Variants in ENOX2 observed in about 807,000 individuals in gnomAD.
ENOX2 encodes ecto-NOX disulfide-thiol exchanger 2, also known as APK1 antigen.
ENOX2 carries 36 observed loss-of-function variants against 45.0 expected under a neutral mutation model. The observed-to-expected ratio is 0.80, with a 90% confidence interval of 0.61 to 1.06. The LOEUF (loss-of-function observed/expected upper bound fraction) is 1.06, where lower values mean the gene tolerates loss of function less well. Ranked by LOEUF, ENOX2 falls within the 50% of genes least tolerant of loss-of-function variation. The pLI is 0.00. For missense variants in ENOX2, 423 were observed against 462.5 expected, an observed-to-expected ratio of 0.91 and a Z score of 0.78; for synonymous variants, 174 against 152.3, an observed-to-expected ratio of 1.14 and a Z score of -1.05.
chrX:130,765,974 T>C (rs1343767196), intron 3 of ENOX2, among the ~76,000 whole-genome samples: 8 of 111,380 alleles, frequency 7.2e-5, no homozygotes, highest in Non-Finnish European at 1.5e-4. Context: ...TGAGTGTCTA[T>C]CTATATTCTC....
At chrX:130,632,017 C>G (rs1001973674) in intron 12 of ENOX2, among the ~76,000 whole-genome samples, 2 of 110,623 alleles carry the variant, frequency 1.8e-5, no homozygotes, top group Non-Finnish European at 3.8e-5. Context: ...GTTAAAAGGA[C>G]CATTGTTTTT....
chrX:130,643,229 A>T (rs1013314083), intron 10 of ENOX2, among the ~76,000 whole-genome samples: 1 of 111,593 alleles, frequency 9.0e-6, no homozygotes, highest in Non-Finnish European at 1.9e-5. Context: ...GAATAATATA[A>T]TATGTTCAAT....
intron 2 of ENOX2, among the ~76,000 whole-genome samples, chrX:130,818,362 C>T (rs750731802): frequency 8.9e-6 from 1 of 111,802 alleles, no homozygotes; most frequent in Non-Finnish European, 1.9e-5. Flanking sequence ...CCCCATCAAG[C>T]TACCATTGAC....
chrX:130,830,398 C>G (rs190378496), intron 2 of ENOX2, among the ~76,000 whole-genome samples: 1 of 111,679 alleles, frequency 9.0e-6, no homozygotes, highest in Non-Finnish European at 1.9e-5. Context: ...CCCCACTCCA[C>G]TCCACTTCCT....
chrX:130,776,254 T>C (rs1165127792), intron 3 of ENOX2, among the ~76,000 whole-genome samples: 1 of 111,733 alleles, frequency 8.9e-6, no homozygotes, highest in Non-Finnish European at 1.9e-5. Context: ...AATCACGAAA[T>C]TGAAAGAGAT....
At chrX:130,852,796 T>A (rs944317760) in intron 2 of ENOX2, among the ~76,000 whole-genome samples, 3 of 111,260 alleles carry the variant, frequency 2.7e-5, no homozygotes, top group Non-Finnish European at 5.7e-5. Flanking sequence ...AGAAGGGACA[T>A]AATTGAAATA....
intron 2 of ENOX2, among the ~76,000 whole-genome samples, chrX:130,825,110 G>C: frequency 9.0e-6 from 1 of 111,144 alleles, no homozygotes; most frequent in Non-Finnish European, 1.9e-5. Context: ...AGCAATCTGA[G>C]ACATCCATCA....
chrX:130,646,071 G>A (rs1218751376), intron 10 of ENOX2: 5 of 550,966 alleles, frequency 9.1e-6, no homozygotes, highest in South Asian at 4.6e-5. Context: ...GTACTGCTGC[G>A]ATGGCTGCTG....
intron 10 of ENOX2, among the ~76,000 whole-genome samples, chrX:130,638,231 C>A (rs2035986007): frequency 9.1e-6 from 1 of 109,392 alleles, no homozygotes; most frequent in African/African-American, 3.3e-5. Flanking sequence ...CCATGCCCGG[C>A]TAATTTTTGT....
intron 2 of ENOX2, among the ~76,000 whole-genome samples, chrX:130,821,254 C>T (rs766368852): frequency 1.5e-3 from 154 of 105,562 alleles, no homozygotes; most frequent in African/African-American, 5.1e-3. Context: ...ATGTTTACTG[C>T]GGCATTATTC....
At chrX:130,649,456 G>C (rs932709615) in intron 10 of ENOX2, among the ~76,000 whole-genome samples, 1 of 111,366 alleles carries the variant, frequency 9.0e-6, no homozygotes, top group Non-Finnish European at 1.9e-5. Context: ...GATGTAGGCT[G>C]CTGTGGTCAG....
chrX:130,737,098 G>A (rs763317543), intron 3 of ENOX2, among the ~76,000 whole-genome samples: 3 of 112,251 alleles, frequency 2.7e-5, no homozygotes, highest in South Asian at 3.7e-4. Context: ...CTGAAGAAGC[G>A]AATTATTATA....
intron 6 of ENOX2, 106 bp from the exon 7 acceptor site, chrX:130,670,304 C>T: frequency 1.8e-6 from 1 of 553,828 alleles, no homozygotes; most frequent in Non-Finnish European, 3.0e-6. Context: ...AAAGACTATA[C>T]ATACTTTTCC....
chrX:130,750,500 C>A (rs748305635), intron 3 of ENOX2, among the ~76,000 whole-genome samples: 1 of 111,338 alleles, frequency 9.0e-6, no homozygotes, highest in South Asian at 3.9e-4. Context: ...GTCTAGCTGA[C>A]TATCTTTCTC....
intron 3 of ENOX2, among the ~76,000 whole-genome samples, chrX:130,755,879 C>T (rs1454708286): frequency 9.0e-6 from 1 of 110,936 alleles, no homozygotes; most frequent in East Asian, 2.8e-4. Flanking sequence ...CCCACCACCA[C>T]TACCCTTCCC....
intron 2 of ENOX2, among the ~76,000 whole-genome samples, chrX:130,788,732 T>C (rs892442046): frequency 4.5e-5 from 5 of 112,340 alleles, no homozygotes; most frequent in African/African-American, 1.6e-4. Context: ...TTCCTAAGAA[T>C]AAATTTAATA....
intron 5 of ENOX2, among the ~76,000 whole-genome samples, chrX:130,686,445 G>T (rs1194780184): frequency 9.0e-6 from 1 of 111,584 alleles, no homozygotes; most frequent in Non-Finnish European, 1.9e-5. Flanking sequence ...CCCAGAAGCA[G>T]AAGCCACTAT....
chrX:130,764,752 T>C (rs2039577644), intron 3 of ENOX2, among the ~76,000 whole-genome samples: 1 of 111,624 alleles, frequency 9.0e-6, no homozygotes. Context: ...AGTACCAAAG[T>C]CATAATATGC....
chrX:130,684,978 T>C (rs150815947), intron 5 of ENOX2, among the ~76,000 whole-genome samples: 1,768 of 111,243 alleles, frequency 0.016, 21 homozygotes, highest in Non-Finnish European at 0.025. Context: ...AAAAGAAACA[T>C]GTTTTATAAA....
Sources: allele counts gnomAD v4.1 joint callset (sites outside exome capture counted in the v4.1 genomes callset), GRCh38; gene constraint gnomAD v4.1.1; transcripts MANE v1.5; gene names NCBI Gene and HGNC (gene_info 2026-07-23, HGNC 2026-07-21).